Variants in RORA observed in about 807,000 individuals in gnomAD.
The protein encoded by RORA is nuclear receptor ROR-alpha.
A neutral mutation model predicts 69.5 loss-of-function variants in RORA; 7 were observed. That is an observed-to-expected ratio of 0.10 (90% CI 0.06 to 0.19). The LOEUF is 0.19. Among genes scored for constraint, RORA ranks in the 10% least tolerant of loss-of-function variants. RORA has a pLI of 1.00. For missense variants in RORA, 457 were observed against 663.0 expected, an observed-to-expected ratio of 0.69 and a Z score of 3.41; for synonymous variants, 261 against 240.8, an observed-to-expected ratio of 1.08 and a Z score of -0.78.
intron 1 of RORA, among the ~76,000 whole-genome samples, chr15:61,215,963 T>A (rs1030416903): frequency 2.0e-5 from 3 of 152,210 alleles, no homozygotes; most frequent in African/African-American, 7.2e-5. Flanking sequence ...TCCAACATGT[T>A]TGAGTGAAGA....
At chr15:60,772,444 AT>A (rs1158960931) in intron 1 of RORA, among the ~76,000 whole-genome samples, 2 of 152,210 alleles carry the variant, frequency 1.3e-5, no homozygotes, top group African/African-American at 4.8e-5. Flanking sequence ...CAAAAAATAA[AT>A]TTCTAGGGAA....
chr15:61,188,129 G>A (rs899241062), intron 1 of RORA, among the ~76,000 whole-genome samples: 1 of 152,064 alleles, frequency 6.6e-6, no homozygotes, highest in Non-Finnish European at 1.5e-5. Flanking sequence ...ACCCCAAGCT[G>A]TCTGGGCTTC....
chr15:60,805,608 C>T (rs1490395274), intron 1 of RORA, among the ~76,000 whole-genome samples: 1 of 152,204 alleles, frequency 6.6e-6, no homozygotes, highest in Non-Finnish European at 1.5e-5. Context: ...AAACACTTAA[C>T]ACCTAGTTAG....
At chr15:60,582,793 C>T (rs1002461342) in intron 2 of RORA, among the ~76,000 whole-genome samples, 1 of 152,174 alleles carries the variant, frequency 6.6e-6, no homozygotes, top group Non-Finnish European at 1.5e-5. Context: ...AGGTTGGGAG[C>T]AGATGACCTG....
In RORA at chr15:61,086,687, GT is replaced by G. The variant is rs970128724; in HGVS notation, c.166+142365del. Among the ~76,000 whole-genome samples, 728 of 145,310 alleles carry G rather than the reference GT, an allele frequency of 5.0e-3. 7 individuals are homozygous for G. Among genetic ancestry groups the G allele is most frequent in the Middle Eastern group, 0.018 (5 of 284 alleles). ...GTCCTTTCCCAAAAGTTCTAAAAAA[GT>G]TTTTTTTTTTTCTCTAAATTTCCCA... On this transcript the variant is annotated intron_variant, in intron 1 of 10. Transcript: ENST00000335670.
chr15:60,821,819 C>A (rs532845585), intron 1 of RORA, among the ~76,000 whole-genome samples: 1 of 152,174 alleles, frequency 6.6e-6, no homozygotes, highest in Admixed American at 6.5e-5. Context: ...TTTTATTAAT[C>A]CCATGTGAAT....
chr15:60,837,448 C>T lies in RORA; in HGVS notation c.167-158762G>A, dbSNP rs143323451. Among the ~76,000 whole-genome samples, 290 of 152,296 alleles carry T rather than the reference C, an allele frequency of 1.9e-3. 1 individual carries two copies. The highest frequency in any genetic ancestry group is 6.5e-3 in the Admixed American group (99 of 15,294). ...ATGCACATATATCAATCAATGCGCA[C>T]GCAGCACACTGCCAACCTCACCCCT... On this transcript the variant is annotated intron_variant, in intron 1 of 10. Transcript: ENST00000335670.
At chr15:61,214,933 C>T (rs1243970774) in intron 1 of RORA, among the ~76,000 whole-genome samples, 3 of 142,636 alleles carry the variant, frequency 2.1e-5, no homozygotes. Context: ...GGCACGATCT[C>T]GGCTCACTGT....
At chr15:60,556,940 A>G in intron 2 of RORA, 1 of 1,604,266 alleles carries the variant, frequency 6.2e-7, no homozygotes, top group East Asian at 2.2e-5. Context: ...TTGTTTGTCC[A>G]CCCCAATCCA....
At chr15:60,797,213 G>A (rs2072511550) in intron 1 of RORA, among the ~76,000 whole-genome samples, 1 of 151,978 alleles carries the variant, frequency 6.6e-6, no homozygotes, top group African/African-American at 2.4e-5. Flanking sequence ...GCATAACTTT[G>A]TGATTGTCCT....
chr15:60,907,994 C>G (rs1176459345), intron 1 of RORA, among the ~76,000 whole-genome samples: 1 of 152,232 alleles, frequency 6.6e-6, no homozygotes, highest in Non-Finnish European at 1.5e-5. Context: ...CTGGTTCCAG[C>G]CTGTGAGGCT....
At chr15:60,930,307 T>C (rs568339374) in intron 1 of RORA, among the ~76,000 whole-genome samples, 33 of 152,238 alleles carry the variant, frequency 2.2e-4, no homozygotes, top group African/African-American at 7.7e-4. Flanking sequence ...TATTTAGTCA[T>C]TTCTAAACAG....
At chr15:60,737,375 G>T (rs2071515299) in intron 1 of RORA, among the ~76,000 whole-genome samples, 1 of 152,140 alleles carries the variant, frequency 6.6e-6, no homozygotes, top group South Asian at 2.1e-4. Context: ...TCTTGGAAGA[G>T]CACCACCTAT....
At chr15:61,054,846 G>C (rs530245060) in intron 1 of RORA, among the ~76,000 whole-genome samples, 1 of 149,726 alleles carries the variant, frequency 6.7e-6, no homozygotes, top group African/African-American at 2.5e-5. Context: ...TTTTTGGTGG[G>C]GGAGCAGTGA....
intron 1 of RORA, among the ~76,000 whole-genome samples, chr15:61,037,542 C>T (rs186704157): frequency 4.6e-4 from 70 of 152,274 alleles, no homozygotes; most frequent in African/African-American, 1.6e-3. Flanking sequence ...CCAGCAAGCA[C>T]GCACTCTGCT....
chr15:60,788,432 T>G (rs562114936), intron 1 of RORA, among the ~76,000 whole-genome samples: 5 of 152,128 alleles, frequency 3.3e-5, no homozygotes, highest in Admixed American at 6.5e-5. Flanking sequence ...TAGTGGGAAG[T>G]TAAGGGTTCC....
intron 1 of RORA, among the ~76,000 whole-genome samples, chr15:61,008,227 G>GTGTGTGTGTGTGTT (rs1482727411): frequency 1.6e-4 from 25 of 151,878 alleles, no homozygotes; most frequent in African/African-American, 5.6e-4. Context: ...GTGTGTGTGT[G>GTGTGTGTGTGTGTT]TGTGTGTGTG....
intron 2 of RORA, among the ~76,000 whole-genome samples, chr15:60,673,953 A>T (rs2070513107): frequency 6.6e-6 from 1 of 152,198 alleles, no homozygotes; most frequent in Admixed American, 6.5e-5. Flanking sequence ...TAAGCAATGA[A>T]TCTTCCAGTT....
rs2079187650 is a variant in RORA at position 61,131,283 on chromosome 15, T to C, written c.166+97770A>G. ...TTGTGATTCAGCAAAATGCTTTCAC[T>C]CTTTGTGTATTTATCTGTTAATAAA... On this transcript the variant is annotated intron_variant, in intron 1 of 10. Transcript: ENST00000335670. The surrounding 1 kb of genome is among the most constrained non-coding windows in gnomAD (Gnocchi z 4.2). Among the ~76,000 whole-genome samples the C allele has an allele frequency of 6.6e-6, 1 of 152,274 alleles. No individual in the cohort carries two copies. Among genetic ancestry groups the C allele is most frequent in the South Asian group, 2.1e-4 (1 of 4,838 alleles).
Sources: gnomAD v4.1 joint callset for allele counts (sites outside exome capture counted in the v4.1 genomes callset) on GRCh38, gnomAD v4.1.1 for gene constraint, Gnocchi (gnomAD v3.1) non-coding constraint, MANE v1.5 for transcripts, NCBI Gene and HGNC (gene_info 2026-07-23, HGNC 2026-07-21) for gene names.